The following PCDHA5 variants were observed in gnomAD, a reference collection of about 807,000 sequenced individuals.
The protein encoded by PCDHA5 is protocadherin alpha 5.
In PCDHA5, 43 loss-of-function variants were observed where a neutral mutation model predicts 61.6. That is an observed-to-expected ratio of 0.70 (90% CI 0.55 to 0.90). PCDHA5 has a LOEUF of 0.90. Ranked by LOEUF, PCDHA5 falls within the 40% of genes least tolerant of loss-of-function variation. PCDHA5 has a pLI of 0.00. For synonymous variants in PCDHA5, 627 were observed against 543.9 expected (o/e 1.15, Z -2.13); for missense variants, 1,298 against 1,222.7 (o/e 1.06, Z -0.92).
intron 1 of PCDHA5, chr5:140,834,281 C>T (rs1772882234): frequency 2.7e-6 from 3 of 1,125,172 alleles, no homozygotes; most frequent in South Asian, 1.5e-5. Flanking sequence ...TCTTTGGATG[C>T]ACAACAATGG....
At chr5:140,861,557 G>A in intron 1 of PCDHA5, 1 of 398,292 alleles carries the variant, frequency 2.5e-6, no homozygotes, top group Non-Finnish European at 5.2e-6. Context: ...AAGTGATCGT[G>A]GACAAGCTGC....
At chr5:140,917,530 T>C (rs2078244431) in intron 1 of PCDHA5, among the ~76,000 whole-genome samples, 1 of 152,262 alleles carries the variant, frequency 6.6e-6, no homozygotes, top group Admixed American at 6.5e-5. Flanking sequence ...ACGGTTTGTA[T>C]AGTTTTAGGT....
At chr5:140,884,917 C>G (rs1343503909) in intron 1 of PCDHA5, among the ~76,000 whole-genome samples, 1 of 152,168 alleles carries the variant, frequency 6.6e-6, no homozygotes, top group Non-Finnish European at 1.5e-5. Flanking sequence ...CTTAATAGTT[C>G]TAAGTATTTA....
rs2150360253 is a variant in PCDHA5, at chr5:140,843,448, C to T, written c.2352+19321C>T. ...TCATCGCCATCTGCGCGGTATCCAGCCTGCTGGTGCTCACGCTGCTGCTGT... is the reference window on the plus strand; with the variant it reads ...TCATCGCCATCTGCGCGGTATCCAGTCTGCTGGTGCTCACGCTGCTGCTGT... On this transcript the variant is annotated intron_variant, in intron 1 of 3. Transcript: ENST00000529859. The T allele has an allele frequency of 1.9e-6, 3 of 1,595,998 alleles. No homozygotes were observed. The South Asian group carries it at 3.3e-5, about 18-fold the overall frequency.
At chr5:140,989,894 T>C (rs907697062) in intron 3 of PCDHA5, among the ~76,000 whole-genome samples, 7 of 151,812 alleles carry the variant, frequency 4.6e-5, no homozygotes, top group Admixed American at 3.3e-4. Context: ...GTCTCCGTTA[T>C]TCACAATCAG....
chr5:140,883,433 T>G lies in PCDHA5; in HGVS notation c.2352+59306T>G, dbSNP rs201972709. 38 of 1,614,170 alleles carry G rather than the reference T, an allele frequency of 2.4e-5. No individual in the cohort carries two copies. In the East Asian group the frequency reaches 7.8e-4, roughly 33 times the overall value. ...CTCAAATGGACAGGTCACCTGCACC[T>G]TGACGCCGCATGTCCCCTTCAAGCT... On this transcript the variant is annotated intron_variant, in intron 1 of 3. Transcript: ENST00000529859.
At chr5:140,826,769 A>G (rs141336818) in intron 1 of PCDHA5, among the ~76,000 whole-genome samples, 1 of 152,326 alleles carries the variant, frequency 6.6e-6, no homozygotes, top group East Asian at 1.9e-4. Context: ...ATTGGAGAGT[A>G]ATTGAAAATA....
chr5:140,882,572 T>C, intron 1 of PCDHA5: 1 of 1,614,106 alleles, frequency 6.2e-7, no homozygotes, highest in Non-Finnish European at 8.5e-7. Flanking sequence ...GAGCGCGGAG[T>C]GCAGCATCCA....
intron 1 of PCDHA5, chr5:140,843,517 C>CCGGG (rs2150361691): frequency 1.3e-6 from 2 of 1,595,932 alleles, no homozygotes; most frequent in African/African-American, 2.7e-5. Flanking sequence ...AGGGCGGGTG[C>CCGGG]CGGGCGGGCA....
chr5:140,906,193 AAGTTGACACTC>A (rs1337204998), intron 1 of PCDHA5, among the ~76,000 whole-genome samples: 4 of 152,140 alleles, frequency 2.6e-5, no homozygotes, highest in African/African-American at 9.7e-5. Context: ...CAATCCAATC[AAGTTGACACTC>A]AGTATTAACC....
At position 140,982,579 on chromosome 5, in the gene PCDHA5, C is replaced by G. The variant is rs781915481; in HGVS notation, c.2500+16C>G. 7 of 1,612,084 alleles carry G rather than the reference C, an allele frequency of 4.3e-6. No individual in the cohort carries two copies. In the Admixed American group the frequency reaches 1.2e-4, roughly 27 times the overall value. On this transcript the variant is annotated intron_variant, in intron 3 of 3. Coordinates refer to ENST00000529859, the MANE Select transcript of PCDHA5 (RefSeq NM_018908.3). ...GCAACACCAGGTAAAGAGCTGGGGT[C>G]TCTCCATTCTTTCTTGGTTTCTGGA...
chr5:140,844,251 A>G (rs1554140582), intron 1 of PCDHA5, among the ~76,000 whole-genome samples: 1 of 149,748 alleles, frequency 6.7e-6, no homozygotes, highest in East Asian at 1.9e-4. Flanking sequence ...CGTTTTAAGC[A>G]GTGTAGTGAT....
chr5:140,875,834 T>C (rs1562703586), intron 1 of PCDHA5: 2 of 1,613,958 alleles, frequency 1.2e-6, no homozygotes, highest in Non-Finnish European at 1.7e-6. Context: ...CATGTGGACG[T>C]GGAGGTGAAG....
At position 140,836,743 on chromosome 5, in the gene PCDHA5, G is replaced by A. The variant is rs143805132; in HGVS notation, c.2352+12616G>A. The A allele has an allele frequency of 3.8e-4, 606 of 1,593,492 alleles. 2 individuals carry two copies. Among genetic ancestry groups the A allele is most frequent in the Non-Finnish European group, 4.1e-4 (480 of 1,171,798 alleles). ...GGTCCATCCTCTACAGACAATGTGA[G>A]TCATAAATAATCTTGTTTCCAACAA... On this transcript the variant is annotated intron_variant, in intron 1 of 3. Transcript: ENST00000529859.
At chr5:141,005,822 C>T (rs1248291613) in intron 3 of PCDHA5, among the ~76,000 whole-genome samples, 2 of 151,298 alleles carry the variant, frequency 1.3e-5, no homozygotes, top group Non-Finnish European at 2.9e-5. Context: ...GTATGGTGGC[C>T]TGTAGTCCCA....
intron 1 of PCDHA5, chr5:140,848,087 G>A (rs1781316611): frequency 5.9e-6 from 1 of 168,072 alleles, no homozygotes; most frequent in African/African-American, 2.4e-5. Flanking sequence ...AAACTTAAGT[G>A]GAGAGTTTTC....
rs550197512 is a variant in PCDHA5, at chr5:140,883,885, C to G, written c.2352+59758C>G. On this transcript the variant is annotated intron_variant, in intron 1 of 3. Coordinates refer to ENST00000529859, the MANE Select transcript of PCDHA5 (RefSeq NM_018908.3). ...TGCAGTTCCAGGTGAGCGCGCGCGA[C>G]TCTGGCGTGCCGCCTCTGGGCAGCA... The G allele has an allele frequency of 6.1e-5, 99 of 1,613,382 alleles. No homozygotes were observed. Among genetic ancestry groups the G allele is most frequent in the East Asian group, 1.6e-4 (7 of 44,866 alleles).
chr5:140,834,554 G>C, intron 1 of PCDHA5: 2 of 1,614,092 alleles, frequency 1.2e-6, no homozygotes, highest in South Asian at 2.2e-5. Flanking sequence ...TGGAGCTGGC[G>C]GAGCTGGTGC....
chr5:140,877,218 G>C (rs781819579), intron 1 of PCDHA5: 1 of 1,613,726 alleles, frequency 6.2e-7, no homozygotes, highest in South Asian at 1.1e-5. Context: ...AGTTGGTACC[G>C]CGGTCGGTGG....
Sources: gnomAD v4.1 joint callset for allele counts (sites outside exome capture counted in the v4.1 genomes callset) on GRCh38, gnomAD v4.1.1 for gene constraint, MANE v1.5 for transcripts, NCBI Gene and HGNC (gene_info 2026-07-23, HGNC 2026-07-21) for gene names.